The following RALGPS1 variants were observed in gnomAD, a reference collection of about 807,000 sequenced individuals.
RALGPS1 encodes Ral GEF with PH domain and SH3 binding motif 1, also known as ras-specific guanine nucleotide-releasing factor RalGPS1.
RALGPS1 carries 19 observed loss-of-function variants against 78.8 expected under a neutral mutation model. That is an observed-to-expected ratio of 0.24 (90% CI 0.17 to 0.35). The LOEUF (loss-of-function observed/expected upper bound fraction) is 0.35. RALGPS1 is among the 10% of genes least tolerant of loss of function. RALGPS1 has a pLI of 1.00. For synonymous variants in RALGPS1, 228 were observed against 256.3 expected (o/e 0.89, Z 1.06); for missense variants, 454 against 688.3 (o/e 0.66, Z 3.81).
chr9:127,078,374 A>G (rs944838678), intron 8 of RALGPS1, among the ~76,000 whole-genome samples: 2 of 152,138 alleles, frequency 1.3e-5, no homozygotes, highest in African/African-American at 4.8e-5. Flanking sequence ...ATGTTATTAA[A>G]ACCCATTTTA....
At chr9:127,182,364 TCCTTCCTCCCTCCCTCCCTCCCTC>T (rs2060298182) in intron 11 of RALGPS1, among the ~76,000 whole-genome samples, 3 of 125,664 alleles carry the variant, frequency 2.4e-5, no homozygotes, top group African/African-American at 9.1e-5. Context: ...CTTCCTTCCT[TCCTTCCTCCCTCCCTCCCTCCCTC>T]CCTCCCTCCC....
intron 3 of RALGPS1, among the ~76,000 whole-genome samples, chr9:126,976,670 A>G (rs1004469228): frequency 6.6e-5 from 10 of 152,172 alleles, no homozygotes; most frequent in African/African-American, 2.4e-4. Context: ...TCCAGAGCCC[A>G]TTTGTTCCCT....
intron 8 of RALGPS1, among the ~76,000 whole-genome samples, chr9:127,153,724 C>G (rs1284295512): frequency 1.3e-5 from 2 of 152,216 alleles, no homozygotes; most frequent in Non-Finnish European, 2.9e-5. Context: ...GCCACTTCGG[C>G]CTCTGTTCCC....
intron 10 of RALGPS1, among the ~76,000 whole-genome samples, chr9:127,172,932 C>A (rs2059640606): frequency 6.6e-6 from 1 of 152,122 alleles, no homozygotes; most frequent in Non-Finnish European, 1.5e-5. Context: ...CATTTCTTTT[C>A]TTCTGGCTCC....
intron 8 of RALGPS1, among the ~76,000 whole-genome samples, chr9:127,156,101 T>C (rs185720342): frequency 2.6e-5 from 4 of 152,346 alleles, no homozygotes; most frequent in East Asian, 3.9e-4. Flanking sequence ...AAACATATCA[T>C]GGATATCTTT....
intron 5 of RALGPS1, among the ~76,000 whole-genome samples, chr9:127,049,308 T>TCTAC (rs1342650164): frequency 6.6e-6 from 1 of 152,192 alleles, no homozygotes; most frequent in Non-Finnish European, 1.5e-5. Context: ...TCAGCTCCAC[T>TCTAC]CTGGTAGATG....
intron 8 of RALGPS1, among the ~76,000 whole-genome samples, chr9:127,096,661 T>C (rs2053175410): frequency 6.6e-6 from 1 of 152,250 alleles, no homozygotes; most frequent in Non-Finnish European, 1.5e-5. Context: ...TTAAATGTTT[T>C]GGGGCTACTA....
intron 8 of RALGPS1, among the ~76,000 whole-genome samples, chr9:127,160,011 A>C (rs1351716672): frequency 1.3e-5 from 2 of 152,218 alleles, no homozygotes; most frequent in East Asian, 3.9e-4. Context: ...TCAACACAGC[A>C]GAATTTTCCT....
At chr9:127,112,503 G>A (rs1030388986) in intron 8 of RALGPS1, among the ~76,000 whole-genome samples, 1 of 152,154 alleles carries the variant, frequency 6.6e-6, no homozygotes, top group Admixed American at 6.5e-5. Flanking sequence ...TGCAAGACAA[G>A]GTTGGTTTCC....
chr9:127,172,318 A>C (rs1238600561), intron 10 of RALGPS1, among the ~76,000 whole-genome samples: 2 of 151,672 alleles, frequency 1.3e-5, no homozygotes, highest in East Asian at 3.9e-4. Context: ...GAATGAGCCC[A>C]TCTAATTTTT....
intron 13 of RALGPS1, among the ~76,000 whole-genome samples, chr9:127,198,221 C>T (rs2061442280): frequency 1.3e-5 from 2 of 152,202 alleles, no homozygotes; most frequent in Non-Finnish European, 2.9e-5. Context: ...GGCTGGTCCT[C>T]CCCTCTGTGA....
intron 8 of RALGPS1, among the ~76,000 whole-genome samples, chr9:127,164,296 C>T (rs2139549044): frequency 6.6e-6 from 1 of 151,988 alleles, no homozygotes; most frequent in South Asian, 2.1e-4. Context: ...AGTGCAGTGG[C>T]CCAATCTCAG....
intron 1 of RALGPS1, among the ~76,000 whole-genome samples, chr9:126,957,311 G>C (rs1319411297): frequency 6.6e-6 from 1 of 152,228 alleles, no homozygotes; most frequent in Non-Finnish European, 1.5e-5. Context: ...GAATTCAGTT[G>C]TTAGGAAAGC....
At chr9:127,186,598 C>G (rs2060662432) in intron 11 of RALGPS1, among the ~76,000 whole-genome samples, 1 of 152,246 alleles carries the variant, frequency 6.6e-6, no homozygotes, top group Non-Finnish European at 1.5e-5. Context: ...CACTTACTGG[C>G]AGAGAGGCCC....
chr9:127,075,043 G>T (rs564619300), intron 8 of RALGPS1, among the ~76,000 whole-genome samples: 2 of 152,252 alleles, frequency 1.3e-5, no homozygotes, highest in Non-Finnish European at 2.9e-5. Flanking sequence ...GCCTGTGCCA[G>T]CCTTCAGGCC....
At chr9:127,120,776 C>A (rs545184343) in intron 8 of RALGPS1, among the ~76,000 whole-genome samples, 5 of 151,046 alleles carry the variant, frequency 3.3e-5, no homozygotes, top group Non-Finnish European at 7.4e-5. Flanking sequence ...TGCAGTGAGC[C>A]GAGATCATGC....
chr9:127,076,031 G>C (rs144120074), intron 8 of RALGPS1, among the ~76,000 whole-genome samples: 1 of 152,166 alleles, frequency 6.6e-6, no homozygotes, highest in African/African-American at 2.4e-5. Flanking sequence ...AGGGAAAAAT[G>C]TATTACATTT....
At chr9:127,134,585 CACTATACAGAT>C (rs2057265882) in intron 8 of RALGPS1, among the ~76,000 whole-genome samples, 2 of 152,162 alleles carry the variant, frequency 1.3e-5, no homozygotes, top group Non-Finnish European at 2.9e-5. Context: ...TTCTAATCTC[CACTATACAGAT>C]GAGGAAACCG....
intron 4 of RALGPS1, among the ~76,000 whole-genome samples, chr9:126,993,533 T>A (rs1302321554): frequency 6.6e-6 from 1 of 152,100 alleles, no homozygotes; most frequent in Non-Finnish European, 1.5e-5. Context: ...GTGGAAAGTT[T>A]TTTTTTTTTT....
Sources: gnomAD v4.1 joint callset for allele counts (sites outside exome capture counted in the v4.1 genomes callset) on GRCh38, gnomAD v4.1.1 for gene constraint, MANE v1.5 for transcripts, NCBI Gene and HGNC (gene_info 2026-07-23, HGNC 2026-07-21) for gene names.